Variants in ZNRF3 observed in about 807,000 individuals in gnomAD.
The protein encoded by ZNRF3 is E3 ubiquitin-protein ligase ZNRF3.
Under a neutral mutation model 72.5 loss-of-function variants are expected in ZNRF3, and 23 were observed. The ratio of observed to expected loss-of-function variants is 0.32; its 90% CI spans 0.23 to 0.45. The LOEUF is 0.45. Ranked by LOEUF, ZNRF3 falls within the 20% of genes least tolerant of loss-of-function variation. The pLI is 1.00. For missense variants in ZNRF3, 1,169 were observed against 1,272.1 expected, an observed-to-expected ratio of 0.92 and a Z score of 1.23; for synonymous variants, 610 against 545.3, an observed-to-expected ratio of 1.12 and a Z score of -1.65.
intron 1 of ZNRF3, among the ~76,000 whole-genome samples, chr22:28,885,214 GAC>G (rs900760527): frequency 8.5e-5 from 13 of 152,066 alleles, no homozygotes; most frequent in African/African-American, 3.1e-4. Flanking sequence ...CTTGGGTGCA[GAC>G]TCAAAGCCCT....
chr22:29,032,623 A>T (rs999171424), intron 2 of ZNRF3, among the ~76,000 whole-genome samples: 1 of 152,216 alleles, frequency 6.6e-6, no homozygotes, highest in Non-Finnish European at 1.5e-5. Context: ...AGTCAAAGGG[A>T]GGAGATAGGT....
At position 29,050,272 on chromosome 22, in the gene ZNRF3, C is replaced by T. The variant is rs972052731; in HGVS notation, c.2091C>T (p.Leu697=). Residue 697 remains leucine (L), a synonymous_variant, in exon 8 of 9, where the codon CTC becomes CTT. Transcript: ENST00000544604. ...CTTCTCCTGGGGCCGCCCCTGACCT[C>T]AGGAGGACCTGGAAGGGGGGCCACG... The part of the protein sequence containing the change: ...LEASPGAAPD[L]RRTWKGGHEL... 1 of 1,597,962 alleles carries T rather than the reference C, an allele frequency of 6.3e-7. No individual in the cohort carries two copies. Among genetic ancestry groups the T allele is most frequent in the Non-Finnish European group, 8.5e-7 (1 of 1,178,680 alleles).
chr22:28,964,422 A>G (rs1030163532), intron 1 of ZNRF3, among the ~76,000 whole-genome samples: 5 of 152,288 alleles, frequency 3.3e-5, no homozygotes, highest in African/African-American at 1.2e-4. Flanking sequence ...AGGTCAAAGG[A>G]TTCAGAGGCT....
At chr22:28,981,278 G>T (rs1385326378) in intron 1 of ZNRF3, among the ~76,000 whole-genome samples, 7 of 152,282 alleles carry the variant, frequency 4.6e-5, no homozygotes, top group South Asian at 4.1e-4. Context: ...TACAGAGAAG[G>T]TTCTTATTCT....
intron 1 of ZNRF3, among the ~76,000 whole-genome samples, chr22:28,927,136 A>G (rs2034617669): frequency 6.6e-6 from 1 of 152,120 alleles, no homozygotes. Context: ...AAAACAAGTT[A>G]CTTTTCTTGA....
At chr22:28,950,884 G>T (rs1293486156) in intron 1 of ZNRF3, among the ~76,000 whole-genome samples, 1 of 152,184 alleles carries the variant, frequency 6.6e-6, no homozygotes, top group Non-Finnish European at 1.5e-5. Flanking sequence ...TTTGCGCCTT[G>T]TCCTCTTTTA....
At chr22:28,947,918 C>T (rs1196239007) in intron 1 of ZNRF3, among the ~76,000 whole-genome samples, 2 of 152,108 alleles carry the variant, frequency 1.3e-5, no homozygotes, top group Non-Finnish European at 2.9e-5. Flanking sequence ...GATCTCGACT[C>T]ACTGCAATCT....
chr22:28,890,594 ATGAAAC>A (rs747617310), intron 1 of ZNRF3, among the ~76,000 whole-genome samples: 63 of 152,274 alleles, frequency 4.1e-4, no homozygotes, highest in Middle Eastern at 3.4e-3. Flanking sequence ...TCTTTTCCTG[ATGAAAC>A]TGAGTATTGA....
intron 2 of ZNRF3, among the ~76,000 whole-genome samples, chr22:29,020,072 G>A (rs960968759): frequency 2.6e-5 from 4 of 151,124 alleles, no homozygotes; most frequent in South Asian, 2.1e-4. Flanking sequence ...ATAAAATGGC[G>A]GTAGTATTTG....
chr22:29,020,774 T>TGG lies in ZNRF3; in HGVS notation c.427-21719_427-21718dup, dbSNP rs750256439. On this transcript the variant is annotated intron_variant, in intron 2 of 8. Transcript: ENST00000544604. Reference sequence around the variant, plus strand: ...GAGGGGCTTTGTTTTTGTGTGTGTGTGGGTGTGTGTGTGTGTGTGTGTGTG... The same window carrying TGG: ...GAGGGGCTTTGTTTTTGTGTGTGTGTGGGGGTGTGTGTGTGTGTGTGTGTGTG... Among the ~76,000 whole-genome samples the TGG allele has an allele frequency of 1.8e-3, 124 of 67,918 alleles. 1 individual carries two copies. The highest frequency in any genetic ancestry group is 3.2e-3 in the Non-Finnish European group (80 of 25,150). The allele number at this position is 67,918 out of a possible 152,430, so 44.6% of individuals were successfully genotyped here. A position where few individuals can be genotyped will look rare whatever the true frequency, so the allele number is the denominator to read the frequency against.
At chr22:28,987,297 C>T in intron 2 of ZNRF3, 96 bp downstream of exon 2, 1 of 1,513,212 alleles carries the variant, frequency 6.6e-7, no homozygotes. Context: ...GGAGAAGAGC[C>T]ATGCTGGCAC....
rs903465538 is a variant in ZNRF3, at chr22:29,007,144, A to G, written c.426+19943A>G. Among the ~76,000 whole-genome samples the G allele has an allele frequency of 2.0e-5, 3 of 152,212 alleles. 1 individual carries two copies. The highest frequency in any genetic ancestry group is 4.4e-5 in the Non-Finnish European group (3 of 68,042). ...AACGACTTGAATAACGTGTGTGGTC[A>G]TGCAGCTGGTCTGGGCAGAGGTGGG... is the stretch of plus-strand genomic sequence containing the variant. On this transcript the variant is annotated intron_variant, in intron 2 of 8. Coordinates refer to ENST00000544604, the MANE Select transcript of ZNRF3 (RefSeq NM_001206998.2).
At chr22:28,952,126 A>G (rs1227780275) in intron 1 of ZNRF3, among the ~76,000 whole-genome samples, 3 of 152,272 alleles carry the variant, frequency 2.0e-5, no homozygotes, top group Non-Finnish European at 4.4e-5. Context: ...TGGCCAAGAA[A>G]AGCGAGCTGC....
chr22:28,902,612 A>G (rs758152459), intron 1 of ZNRF3, among the ~76,000 whole-genome samples: 4 of 152,090 alleles, frequency 2.6e-5, no homozygotes, highest in Non-Finnish European at 5.9e-5. Flanking sequence ...GTTTCCTTTG[A>G]TGGGAGAGGC....
At chr22:28,945,567 G>A (rs1399263382) in intron 1 of ZNRF3, among the ~76,000 whole-genome samples, 4 of 149,050 alleles carry the variant, frequency 2.7e-5, no homozygotes, top group African/African-American at 9.9e-5. Context: ...GTCTTGCTCT[G>A]TGGCCAGGCT....
At chr22:28,986,736 T>C (rs2035860473) in intron 1 of ZNRF3, 1 of 795,168 alleles carries the variant, frequency 1.3e-6, no homozygotes, top group African/African-American at 1.9e-5. Context: ...TAGTGTTAAA[T>C]TTATGGTATT....
chr22:29,048,591 T>C lies in ZNRF3; in HGVS notation c.1015+100T>C, dbSNP rs2123886348. 8.2e-7 allele frequency: 1 copy of C among 1,223,466 alleles called. No individual in the cohort carries two copies. Among genetic ancestry groups the C allele is most frequent in the South Asian group, 1.3e-5 (1 of 75,074 alleles). The allele number at this position is 1,223,466 out of a possible 1,614,324, so 75.8% of individuals were successfully genotyped here. A position where few individuals can be genotyped will look rare whatever the true frequency, so the allele number is the denominator to read the frequency against. On this transcript the variant is annotated intron_variant, in intron 7 of 8. Transcript: ENST00000544604. This position sits in a 1 kb window ranked among gnomAD's most constrained non-coding sequence, Gnocchi z 4.9. ...GGAACACTCAGAACCACCGTGGCAC[T>C]GCCCTCTGGACTTGGAGGCCTGGCA...
At chr22:29,052,112 A>G (rs1219340202) in intron 8 of ZNRF3, among the ~76,000 whole-genome samples, 1 of 152,192 alleles carries the variant, frequency 6.6e-6, no homozygotes, top group Non-Finnish European at 1.5e-5. Context: ...AGATTTCCAA[A>G]CATGCTGTCT....
chr22:28,913,501 AC>A (rs2034355676), intron 1 of ZNRF3, among the ~76,000 whole-genome samples: 1 of 152,164 alleles, frequency 6.6e-6, no homozygotes, highest in Non-Finnish European at 1.5e-5. Context: ...GAAGGCCAAC[AC>A]CAAGTTAACT....
Sources: allele counts gnomAD v4.1 joint callset (sites outside exome capture counted in the v4.1 genomes callset), GRCh38; gene constraint gnomAD v4.1.1; non-coding constraint Gnocchi (gnomAD v3.1); transcripts MANE v1.5; gene names NCBI Gene and HGNC (gene_info 2026-07-23, HGNC 2026-07-21).